Variants in RNLS observed in about 807,000 individuals in gnomAD.
RNLS encodes the protein renalase.
A neutral mutation model predicts 39.8 loss-of-function variants in RNLS; 39 were observed. The observed-to-expected ratio is 0.98, with a 90% CI of 0.76 to 1.28. The LOEUF is 1.28. Among genes scored for constraint, RNLS ranks in the 50% most tolerant of loss-of-function variants. The pLI is 0.00. For missense variants in RNLS, 410 were observed against 413.3 expected, an observed-to-expected ratio of 0.99 and a Z score of 0.07; for synonymous variants, 147 against 150.7, an observed-to-expected ratio of 0.98 and a Z score of 0.18.
intron 5 of RNLS, among the ~76,000 whole-genome samples, chr10:88,349,231 A>G (rs1266650852): frequency 6.6e-6 from 1 of 152,158 alleles, no homozygotes; most frequent in Non-Finnish European, 1.5e-5. Flanking sequence ...TTTGATTTCT[A>G]TAGTTAGCTG....
At chr10:88,293,699 A>G (rs1843854873) in intron 6 of RNLS, among the ~76,000 whole-genome samples, 1 of 152,084 alleles carries the variant, frequency 6.6e-6, no homozygotes, top group East Asian at 1.9e-4. Flanking sequence ...CCATGAAAAA[A>G]AAAATGCTTG....
At chr10:88,489,144 GA>G (rs1331608431) in intron 4 of RNLS, among the ~76,000 whole-genome samples, 1 of 152,124 alleles carries the variant, frequency 6.6e-6, no homozygotes, top group Non-Finnish European at 1.5e-5. Flanking sequence ...AAAGAAAAAA[GA>G]GAGGCCTGTG....
At chr10:88,307,853 A>G (rs1845042417) in intron 6 of RNLS, among the ~76,000 whole-genome samples, 1 of 152,224 alleles carries the variant, frequency 6.6e-6, no homozygotes, top group Admixed American at 6.5e-5. Flanking sequence ...GGAACCAAAA[A>G]AGAGCCTGAA....
chr10:88,449,816 CTTTTATTA>C (rs2133889576), intron 4 of RNLS, among the ~76,000 whole-genome samples: 1 of 152,060 alleles, frequency 6.6e-6, no homozygotes, highest in African/African-American at 2.4e-5. Context: ...TATATTGTTC[CTTTTATTA>C]ATTTTTTAAG....
chr10:88,214,129 A>T, the RNLS span, among the ~76,000 whole-genome samples: 749 of 152,282 alleles, frequency 4.9e-3, 16 homozygotes, highest in Admixed American at 0.036. Context: ...AGTTGGCAGT[A>T]GTGGTAGTAC....
At chr10:88,501,629 G>A (rs930435215) in intron 4 of RNLS, among the ~76,000 whole-genome samples, 3 of 152,016 alleles carry the variant, frequency 2.0e-5, no homozygotes, top group South Asian at 2.1e-4. Flanking sequence ...CTTCTGAACC[G>A]CAATGCGTTA....
At chr10:88,364,411 C>A (rs1849883988) in intron 4 of RNLS, among the ~76,000 whole-genome samples, 1 of 152,092 alleles carries the variant, frequency 6.6e-6, no homozygotes, top group African/African-American at 2.4e-5. Context: ...AGAACCATGA[C>A]CTCATTTAGT....
intron 5 of RNLS, among the ~76,000 whole-genome samples, chr10:88,357,983 A>G (rs1480789559): frequency 6.6e-6 from 1 of 152,234 alleles, no homozygotes; most frequent in Non-Finnish European, 1.5e-5. Context: ...TGTTCAGGCC[A>G]TTAAAGTTTT....
intron 6 of RNLS, among the ~76,000 whole-genome samples, chr10:88,309,686 GT>G (rs1006978528): frequency 6.6e-6 from 1 of 152,162 alleles, no homozygotes; most frequent in African/African-American, 2.4e-5. Flanking sequence ...AGTAAAGAAT[GT>G]GAATGGAAGG....
chr10:88,400,109 G>A (rs985116271), intron 4 of RNLS, among the ~76,000 whole-genome samples: 8 of 151,962 alleles, frequency 5.3e-5, no homozygotes, highest in African/African-American at 1.7e-4. Context: ...GGATGATCCA[G>A]GTTAAGCTCT....
intron 4 of RNLS, among the ~76,000 whole-genome samples, chr10:88,471,521 T>G (rs1045921320): frequency 6.6e-6 from 1 of 152,100 alleles, no homozygotes; most frequent in Non-Finnish European, 1.5e-5. Context: ...TCTGGAAGAA[T>G]GTATAGAGTA....
chr10:88,293,076 A>G (rs934247227), intron 6 of RNLS, among the ~76,000 whole-genome samples: 1 of 151,836 alleles, frequency 6.6e-6, no homozygotes, highest in African/African-American at 2.4e-5. Context: ...CAAAAAAAAA[A>G]TTTTCATCCA....
the RNLS span, among the ~76,000 whole-genome samples, chr10:88,209,072 C>T: frequency 6.6e-6 from 1 of 152,102 alleles, no homozygotes; most frequent in African/African-American, 2.4e-5. Context: ...AAAGCTACCA[C>T]TATCTGAAAC....
intron 5 of RNLS, among the ~76,000 whole-genome samples, chr10:88,326,553 T>C (rs1365397088): frequency 2.6e-5 from 4 of 152,208 alleles, no homozygotes; most frequent in Non-Finnish European, 5.9e-5. Context: ...CTTAAAAGCA[T>C]TCAGTTTTAT....
At chr10:88,358,619 C>T (rs1849388409) in intron 5 of RNLS, among the ~76,000 whole-genome samples, 1 of 152,178 alleles carries the variant, frequency 6.6e-6, no homozygotes, top group South Asian at 2.1e-4. Context: ...TTCCACTGAA[C>T]ACATTTTGGG....
chr10:88,573,804 T>C (rs1054002543), intron 3 of RNLS, among the ~76,000 whole-genome samples: 2 of 150,864 alleles, frequency 1.3e-5, no homozygotes, highest in African/African-American at 4.9e-5. Flanking sequence ...TAGCATATAG[T>C]ATACATAGCA....
intron 4 of RNLS, among the ~76,000 whole-genome samples, chr10:88,505,141 A>ATTCCAG (rs1343178069): frequency 9.2e-5 from 14 of 152,044 alleles, no homozygotes; most frequent in Non-Finnish European, 2.1e-4. Flanking sequence ...AACCAAAAGA[A>ATTCCAG]ATGGTTGATT....
At chr10:88,543,432 C>T (rs1295074451) in intron 4 of RNLS, among the ~76,000 whole-genome samples, 2 of 152,152 alleles carry the variant, frequency 1.3e-5, no homozygotes, top group Non-Finnish European at 2.9e-5. Context: ...ATTCCCCCAT[C>T]TTTTTCAGTA....
intron 4 of RNLS, among the ~76,000 whole-genome samples, chr10:88,443,442 T>C (rs1841841276): frequency 6.6e-6 from 1 of 152,156 alleles, no homozygotes; most frequent in Non-Finnish European, 1.5e-5. Context: ...CGGGTTCATC[T>C]CACTGGGCTT....
Sources: allele counts gnomAD v4.1 joint callset (sites outside exome capture counted in the v4.1 genomes callset), GRCh38; gene constraint gnomAD v4.1.1; transcripts MANE v1.5; gene names NCBI Gene and HGNC (gene_info 2026-07-23, HGNC 2026-07-21).